The following HACL2 variants were observed in gnomAD, a reference collection of about 807,000 sequenced individuals.
The protein encoded by HACL2 is 2-hydroxyacyl-CoA lyase 2.
At chr19:15,115,545 A>T in the HACL2 span, 1 of 1,608,072 alleles carries the variant, frequency 6.2e-7, no homozygotes, top group Non-Finnish European at 8.5e-7. Context: ...TGTCCTCCCA[A>T]CCTCGCTGAG....
At chr19:15,125,271 C>G in the HACL2 span, 1 of 598,626 alleles carries the variant, frequency 1.7e-6, no homozygotes, top group Non-Finnish European at 2.9e-6. Flanking sequence ...CAAGGTCACG[C>G]CCCTCGCGGG....
the HACL2 span, chr19:15,119,552 T>C: frequency 4.5e-6 from 7 of 1,548,896 alleles, no homozygotes; most frequent in Non-Finnish European, 5.3e-6. Flanking sequence ...GCTGTCTTTT[T>C]ATTTATTTAT....
At chr19:15,123,581 G>A in the HACL2 span, 1 of 1,613,376 alleles carries the variant, frequency 6.2e-7, no homozygotes, top group Non-Finnish European at 8.5e-7. The surrounding 1 kb of genome is among the most constrained non-coding windows in gnomAD (Gnocchi z 5.1). Context: ...GTCCACCTGG[G>A]CCCAAGGACA....
the HACL2 span, chr19:15,116,378 C>T: frequency 2.5e-6 from 4 of 1,613,890 alleles, no homozygotes; most frequent in Non-Finnish European, 3.4e-6. Context: ...CGGGAACCCC[C>T]TTCCCACATC....
At chr19:15,115,404 C>G in the HACL2 span, 1 of 1,613,892 alleles carries the variant, frequency 6.2e-7, no homozygotes, top group Non-Finnish European at 8.5e-7. Flanking sequence ...CCCCGGGCCC[C>G]CAGACCCATG....
At chr19:15,123,617 G>A in the HACL2 span, 8 of 1,576,190 alleles carry the variant, frequency 5.1e-6, no homozygotes, top group African/African-American at 1.6e-5. The surrounding 1 kb of genome is among the most constrained non-coding windows in gnomAD (Gnocchi z 5.1). Flanking sequence ...TTAAAGGCCA[G>A]GGCAGAGGGC....
chr19:15,123,154 T>C, the HACL2 span: 6,064 of 1,613,858 alleles, frequency 3.8e-3, 176 homozygotes, highest in African/African-American at 0.07. The surrounding 1 kb of genome is among the most constrained non-coding windows in gnomAD (Gnocchi z 5.1). Flanking sequence ...AGAAGCAGGA[T>C]TGGGGACTGA....
At chr19:15,125,070 C>A in the HACL2 span, 1 of 1,531,264 alleles carries the variant, frequency 6.5e-7, no homozygotes, top group Non-Finnish European at 8.8e-7. Context: ...GAGGTGGTAC[C>A]TAAGAGAGAA....
the HACL2 span, chr19:15,125,071 T>C: frequency 6.5e-7 from 1 of 1,530,238 alleles, no homozygotes; most frequent in Admixed American, 2.2e-5. Flanking sequence ...AGGTGGTACC[T>C]AAGAGAGAAA....
At chr19:15,120,171 A>G in the HACL2 span, 1 of 830,988 alleles carries the variant, frequency 1.2e-6, no homozygotes, top group Non-Finnish European at 1.9e-6. Context: ...GCCGGGAGAA[A>G]AGCCAGGAGC....
the HACL2 span, chr19:15,119,090 C>T: frequency 8.8e-6 from 13 of 1,476,948 alleles, no homozygotes; most frequent in Admixed American, 1.9e-4. Context: ...GACCTTCCTC[C>T]TCCTTCGTGT....
the HACL2 span, chr19:15,115,796 G>A: frequency 1.6e-5 from 26 of 1,596,122 alleles, no homozygotes; most frequent in Non-Finnish European, 2.1e-5. Context: ...CCCACCCCTG[G>A]TGACATCTCC....
At chr19:15,115,326 G>C in the HACL2 span, 1 of 1,614,094 alleles carries the variant, frequency 6.2e-7, no homozygotes, top group African/African-American at 1.3e-5. Context: ...TGGCCGTCTC[G>C]GCACTGCTGC....
the HACL2 span, chr19:15,125,169 T>C: frequency 5.0e-6 from 6 of 1,208,520 alleles, no homozygotes; most frequent in Non-Finnish European, 6.8e-6. Context: ...CCACGACCCT[T>C]GCCGCCAGTT....
At chr19:15,125,088 T>C in the HACL2 span, 4 of 1,500,466 alleles carry the variant, frequency 2.7e-6, no homozygotes, top group Non-Finnish European at 3.6e-6. Flanking sequence ...GAAAGGGCAC[T>C]TCCCAGACTT....
chr19:15,124,584 C>T, the HACL2 span: 3 of 318,836 alleles, frequency 9.4e-6, no homozygotes, highest in Admixed American at 4.7e-5. Flanking sequence ...GCCACCCCCT[C>T]GCTGGAGCCT....
At chr19:15,116,331 G>A in the HACL2 span, 2 of 1,613,956 alleles carry the variant, frequency 1.2e-6, no homozygotes, top group Admixed American at 1.7e-5. Flanking sequence ...CCTGCGACAG[G>A]ACAGCGAAGG....
the HACL2 span, chr19:15,115,064 G>A: frequency 1.5e-6 from 1 of 679,218 alleles, no homozygotes; most frequent in African/African-American, 1.8e-5. Flanking sequence ...TTGGGTCCGT[G>A]AAGAGGAGGG....
At chr19:15,115,950 G>A in the HACL2 span, 2 of 1,614,092 alleles carry the variant, frequency 1.2e-6, no homozygotes, top group Non-Finnish European at 1.7e-6. Flanking sequence ...AGGATGGTTA[G>A]GGTGGATCAG....
Sources: allele counts gnomAD v4.1 joint callset, GRCh38; gene constraint gnomAD v4.1.1; non-coding constraint Gnocchi (gnomAD v3.1); transcripts MANE v1.5; gene names NCBI Gene and HGNC (gene_info 2026-07-23, HGNC 2026-07-21).